LRRIQ3: variants seen among roughly 807,000 people sequenced by gnomAD.
LRRIQ3 encodes leucine-rich repeat and IQ domain-containing protein 3.
LRRIQ3 carries 75 observed loss-of-function variants against 59.3 expected under a neutral mutation model. The ratio of observed to expected loss-of-function variants is 1.26; its 90% CI spans 1.05 to 1.53. The LOEUF (loss-of-function observed/expected upper bound fraction) is 1.53. Among genes scored for constraint, LRRIQ3 ranks in the 40% most tolerant of loss-of-function variants. The pLI is 0.00. For missense variants in LRRIQ3, 831 were observed against 710.0 expected, an observed-to-expected ratio of 1.17 and a Z score of -1.94; for synonymous variants, 250 against 231.3, an observed-to-expected ratio of 1.08 and a Z score of -0.73.
At chr1:74,041,014 G>C (rs970662942) in intron 7 of LRRIQ3, among the ~76,000 whole-genome samples, 199 bp downstream of exon 7, 2 of 151,886 alleles carry the variant, frequency 1.3e-5, no homozygotes, top group African/African-American at 4.8e-5. Context: ...CACAGGTGGA[G>C]AGATGGGGAA....
chr1:74,070,649 T>A (rs1247937908), intron 6 of LRRIQ3, among the ~76,000 whole-genome samples: 1 of 151,996 alleles, frequency 6.6e-6, no homozygotes, highest in African/African-American at 2.4e-5. Context: ...TGTATATATA[T>A]AATTGTGTGT....
intron 4 of LRRIQ3, among the ~76,000 whole-genome samples, chr1:74,149,354 G>T (rs766107178): frequency 1.3e-5 from 2 of 152,060 alleles, no homozygotes; most frequent in African/African-American, 2.4e-5. Flanking sequence ...ATTTTTTAAT[G>T]TATGTACAAC....
At chr1:74,078,192 A>T (rs1318118141) in intron 5 of LRRIQ3, among the ~76,000 whole-genome samples, 1 of 151,892 alleles carries the variant, frequency 6.6e-6, no homozygotes, top group East Asian at 1.9e-4. Context: ...GATAGAGATC[A>T]GAAACGTTGA....
At chr1:74,029,140 T>C (rs548412918) in intron 7 of LRRIQ3, among the ~76,000 whole-genome samples, 23 of 152,244 alleles carry the variant, frequency 1.5e-4, no homozygotes, top group African/African-American at 5.5e-4. Context: ...TTTCTAGATA[T>C]ACAATCACGT....
intron 7 of LRRIQ3, among the ~76,000 whole-genome samples, chr1:74,038,911 C>T (rs1299528868): frequency 6.6e-6 from 1 of 152,190 alleles, no homozygotes; most frequent in African/African-American, 2.4e-5. Flanking sequence ...GCCAGAGTTC[C>T]TCCTCTCCTC....
chr1:74,078,482 C>T (rs1008378235), intron 5 of LRRIQ3, among the ~76,000 whole-genome samples: 1 of 151,800 alleles, frequency 6.6e-6, no homozygotes, highest in Non-Finnish European at 1.5e-5. Flanking sequence ...GCAACATACG[C>T]TTAATCACTG....
At chr1:74,124,073 G>T (rs1646900535) in intron 4 of LRRIQ3, among the ~76,000 whole-genome samples, 1 of 151,686 alleles carries the variant, frequency 6.6e-6, no homozygotes, top group Non-Finnish European at 1.5e-5. Context: ...AGGGTGAGAT[G>T]GTATCTCAAT....
chr1:74,171,199 A>T (rs561965654), intron 3 of LRRIQ3, among the ~76,000 whole-genome samples: 8 of 152,080 alleles, frequency 5.3e-5, no homozygotes, highest in Admixed American at 1.3e-4. Context: ...TGTTGAATAG[A>T]GGCATCTTTA....
chr1:74,055,109 CCAT>C (rs1051489829), intron 6 of LRRIQ3, among the ~76,000 whole-genome samples: 5 of 146,862 alleles, frequency 3.4e-5, no homozygotes, highest in African/African-American at 1.2e-4. Flanking sequence ...AATAACACAA[CCAT>C]CATGACATGT....
At chr1:74,116,158 G>C (rs1386866344) in intron 4 of LRRIQ3, among the ~76,000 whole-genome samples, 2 of 151,956 alleles carry the variant, frequency 1.3e-5, no homozygotes, top group African/African-American at 2.4e-5. Context: ...CCACAGCAGA[G>C]TACCCAATAT....
At chr1:74,194,993 C>A (rs1460708400) in intron 1 of LRRIQ3, among the ~76,000 whole-genome samples, 2 of 151,954 alleles carry the variant, frequency 1.3e-5, no homozygotes, top group Non-Finnish European at 2.9e-5. Flanking sequence ...TACTGGGGAA[C>A]TCCATTTGGA....
At chr1:74,119,506 C>T (rs973887631) in intron 4 of LRRIQ3, among the ~76,000 whole-genome samples, 7 of 152,214 alleles carry the variant, frequency 4.6e-5, no homozygotes, top group African/African-American at 1.7e-4. Context: ...ATATAGGTCA[C>T]TTACAGTCTC....
chr1:74,114,191 A>T (rs1175378631), intron 4 of LRRIQ3, among the ~76,000 whole-genome samples: 1 of 152,070 alleles, frequency 6.6e-6, no homozygotes, highest in Non-Finnish European at 1.5e-5. Flanking sequence ...AATGATAAAT[A>T]GAAATATAAT....
chr1:74,183,080 G>T, intron 2 of LRRIQ3: 1 of 351,208 alleles, frequency 2.8e-6, no homozygotes, highest in Non-Finnish European at 5.1e-6. Context: ...ATAGTAAAAT[G>T]CATAACCATA....
chr1:74,119,961 A>C (rs1187148210), intron 4 of LRRIQ3, among the ~76,000 whole-genome samples: 2 of 152,154 alleles, frequency 1.3e-5, no homozygotes, highest in Non-Finnish European at 2.9e-5. Context: ...ACAAGATTGT[A>C]ATTGAAATCA....
chr1:74,033,506 T>C (rs772757840), intron 7 of LRRIQ3, among the ~76,000 whole-genome samples: 1 of 151,948 alleles, frequency 6.6e-6, no homozygotes, highest in Non-Finnish European at 1.5e-5. Flanking sequence ...AGATTTTAGT[T>C]ATAAATAAAT....
At chr1:74,172,118 T>C (rs920147730) in intron 3 of LRRIQ3, among the ~76,000 whole-genome samples, 4 of 152,140 alleles carry the variant, frequency 2.6e-5, no homozygotes, top group Non-Finnish European at 2.9e-5. Context: ...GCCCTGATCT[T>C]TGTTTCTTTA....
chr1:74,080,576 T>C (rs2100493986), intron 5 of LRRIQ3, among the ~76,000 whole-genome samples: 1 of 151,878 alleles, frequency 6.6e-6, no homozygotes, highest in East Asian at 1.9e-4. Flanking sequence ...TTTTCAACCC[T>C]TCCTAGTTTG....
chr1:74,062,094 A>G (rs12044425), intron 6 of LRRIQ3, among the ~76,000 whole-genome samples: 75,475 of 151,894 alleles, frequency 0.5, 19,642 homozygotes, highest in East Asian at 0.82. Flanking sequence ...TCTGCAAGGC[A>G]AAATAAATTA....
Sources: allele counts gnomAD v4.1 joint callset (sites outside exome capture counted in the v4.1 genomes callset), GRCh38; gene constraint gnomAD v4.1.1; transcripts MANE v1.5; gene names NCBI Gene and HGNC (gene_info 2026-07-23, HGNC 2026-07-21).